Variants in STX8 observed in about 807,000 individuals in gnomAD.
The protein encoded by STX8 is syntaxin 8, also known as syntaxin-8.
A neutral mutation model predicts 37.5 loss-of-function variants in STX8; 23 were observed. That is an observed-to-expected ratio of 0.61 (90% CI 0.44 to 0.87). The LOEUF (loss-of-function observed/expected upper bound fraction) is 0.87, where lower values mean the gene tolerates loss of function less well. STX8 is among the 40% of genes least tolerant of loss of function. The pLI is 0.00. For synonymous variants in STX8, 115 were observed against 99.1 expected (o/e 1.16, Z -0.95); for missense variants, 313 against 284.7 (o/e 1.10, Z -0.71).
At chr17:9,567,663 C>T (rs529844577) in intron 2 of STX8, among the ~76,000 whole-genome samples, 1 of 152,316 alleles carries the variant, frequency 6.6e-6, no homozygotes, top group Non-Finnish European at 1.5e-5. Flanking sequence ...TGTTTTTATA[C>T]AGCCCAAAAC....
intron 6 of STX8, among the ~76,000 whole-genome samples, chr17:9,421,885 C>T (rs973658702): frequency 6.6e-6 from 1 of 152,008 alleles, no homozygotes; most frequent in East Asian, 1.9e-4. Flanking sequence ...CTGTTCCAAT[C>T]GAGTTCTCAC....
chr17:9,256,164 A>T (rs1035275809), intron 7 of STX8, among the ~76,000 whole-genome samples: 1 of 152,182 alleles, frequency 6.6e-6, no homozygotes, highest in Non-Finnish European at 1.5e-5. Context: ...TGGAAGGTGA[A>T]CTCTCCTACC....
intron 7 of STX8, among the ~76,000 whole-genome samples, chr17:9,255,463 G>T (rs55881992): frequency 0.24 from 36,234 of 151,716 alleles, 5,081 homozygotes; most frequent in Admixed American, 0.34. Flanking sequence ...GGAGGCGGAG[G>T]TTGTGGTGAA....
intron 5 of STX8, among the ~76,000 whole-genome samples, chr17:9,497,512 G>A (rs1957717729): frequency 6.6e-6 from 1 of 152,186 alleles, no homozygotes; most frequent in South Asian, 2.1e-4. Flanking sequence ...GTTACGGGAT[G>A]GCATATACAT....
chr17:9,304,929 G>A (rs12936493), intron 7 of STX8, among the ~76,000 whole-genome samples: 3,122 of 96,182 alleles, frequency 0.032, 112 homozygotes, highest in African/African-American at 0.15. Context: ...AAAAAAATAT[G>A]TATATATATA....
intron 6 of STX8, among the ~76,000 whole-genome samples, chr17:9,481,612 A>G (rs1362719229): frequency 6.6e-6 from 1 of 152,150 alleles, no homozygotes; most frequent in Non-Finnish European, 1.5e-5. Flanking sequence ...ACCACATGGC[A>G]TCATACTAGG....
intron 1 of STX8, 36 bp from the exon 2 acceptor site, chr17:9,568,506 G>T: frequency 6.4e-7 from 1 of 1,566,236 alleles, no homozygotes; most frequent in African/African-American, 1.4e-5. Flanking sequence ...AATGTTTAAG[G>T]TTCTTTTTTT....
chr17:9,387,126 T>G (rs1252058140), intron 6 of STX8, among the ~76,000 whole-genome samples: 1 of 152,176 alleles, frequency 6.6e-6, no homozygotes, highest in Non-Finnish European at 1.5e-5. Context: ...GATCCAAACT[T>G]TAGCAAACGC....
intron 6 of STX8, among the ~76,000 whole-genome samples, chr17:9,430,649 C>CTTTTTTT (rs34803730): frequency 2.5e-5 from 3 of 120,904 alleles, no homozygotes; most frequent in Non-Finnish European, 5.3e-5. Flanking sequence ...GTGGTTTTGG[C>CTTTTTTT]TTTTTTTTTT....
At chr17:9,444,716 C>T (rs1484611489) in intron 6 of STX8, among the ~76,000 whole-genome samples, 2 of 152,004 alleles carry the variant, frequency 1.3e-5, no homozygotes, top group Non-Finnish European at 2.9e-5. Flanking sequence ...TTTTTTCTTC[C>T]TTTTTTTAGT....
At chr17:9,340,148 C>T (rs1309379068) in intron 7 of STX8, among the ~76,000 whole-genome samples, 4 of 152,252 alleles carry the variant, frequency 2.6e-5, no homozygotes, top group Non-Finnish European at 5.9e-5. Context: ...TGTGCACCTG[C>T]GTGGGAATTC....
intron 7 of STX8, among the ~76,000 whole-genome samples, chr17:9,298,848 C>T (rs189524470): frequency 2.6e-5 from 4 of 151,544 alleles, no homozygotes; most frequent in Non-Finnish European, 5.9e-5. Context: ...AAAACCAAAC[C>T]AAACCTGAGT....
chr17:9,365,753 C>A (rs1403410330), intron 7 of STX8, among the ~76,000 whole-genome samples: 2 of 152,250 alleles, frequency 1.3e-5, no homozygotes, highest in Non-Finnish European at 2.9e-5. Flanking sequence ...GTGGGCGGAA[C>A]ATGAGGTTAG....
At chr17:9,354,699 T>C (rs1910820986) in intron 7 of STX8, among the ~76,000 whole-genome samples, 1 of 152,210 alleles carries the variant, frequency 6.6e-6, no homozygotes, top group African/African-American at 2.4e-5. Flanking sequence ...TAATTGCCTC[T>C]CTTTTTCAAT....
chr17:9,421,307 G>A (rs561400354), intron 6 of STX8, among the ~76,000 whole-genome samples: 1 of 147,664 alleles, frequency 6.8e-6, no homozygotes, highest in Admixed American at 6.9e-5. Context: ...CAGGAGAATC[G>A]CTTGAACCCG....
intron 7 of STX8, among the ~76,000 whole-genome samples, chr17:9,292,403 T>C (rs1327963384): frequency 6.6e-6 from 1 of 152,158 alleles, no homozygotes; most frequent in Non-Finnish European, 1.5e-5. Context: ...GCCCAGTGGG[T>C]TCCCAGTTCA....
intron 4 of STX8, among the ~76,000 whole-genome samples, chr17:9,543,831 T>C (rs1327891139): frequency 6.6e-6 from 1 of 152,160 alleles, no homozygotes; most frequent in Non-Finnish European, 1.5e-5. Context: ...GACTCTTAGG[T>C]TCATTTCTTC....
chr17:9,413,823 A>C (rs937561662), intron 6 of STX8, among the ~76,000 whole-genome samples: 2 of 152,132 alleles, frequency 1.3e-5, no homozygotes, highest in Admixed American at 1.3e-4. Context: ...AACGGAAAAA[A>C]ACTTGCAGGG....
At chr17:9,375,651 T>TAC (rs1911555856) in intron 7 of STX8, among the ~76,000 whole-genome samples, 1 of 152,224 alleles carries the variant, frequency 6.6e-6, no homozygotes, top group Admixed American at 6.5e-5. Context: ...TTTTAAGTGA[T>TAC]ATATATATGT....
Sources: gnomAD v4.1 joint callset for allele counts (sites outside exome capture counted in the v4.1 genomes callset) on GRCh38, gnomAD v4.1.1 for gene constraint, MANE v1.5 for transcripts, NCBI Gene and HGNC (gene_info 2026-07-23, HGNC 2026-07-21) for gene names.